CLEC2B: variants seen among roughly 807,000 people sequenced by gnomAD.
CLEC2B encodes the protein C-type lectin domain family 2 member B.
In CLEC2B, 14 loss-of-function variants were observed where a neutral mutation model predicts 16.2. That is an observed-to-expected ratio of 0.86 (90% CI 0.57 to 1.35). The LOEUF is 1.35. Ranked by LOEUF, CLEC2B falls within the 40% of genes most tolerant of loss-of-function variation. CLEC2B has a pLI of 0.00. For missense variants in CLEC2B, 166 were observed against 182.3 expected, an observed-to-expected ratio of 0.91 and a Z score of 0.52; for synonymous variants, 42 against 55.8, an observed-to-expected ratio of 0.75 and a Z score of 1.10.
intron 4 of CLEC2B, among the ~76,000 whole-genome samples, chr12:9,853,640 A>G (rs376677103): frequency 2.6e-5 from 4 of 152,224 alleles, no homozygotes; most frequent in Non-Finnish European, 4.4e-5. Context: ...TGGAGCTATC[A>G]GTTCGTATAA....
Position 9,853,197 on chromosome 12 carries a change from A to C in CLEC2B, c.*103T>G. ...GCCTGACACGTAAGCAGAATTAACC[A>C]GACAGGTACAAAACTCGAACTTTGT... On this transcript the variant is annotated 3_prime_UTR_variant, in exon 5 of 5. Transcript: ENST00000228438. 1.1e-6 allele frequency: 1 copy of C among 884,610 alleles called. No homozygotes were observed. The allele number at this position is 884,610 out of a possible 1,614,324, so 54.8% of individuals were successfully genotyped here.
intron 3 of CLEC2B, chr12:9,854,749 C>T (rs1867882943): frequency 1.1e-5 from 5 of 467,374 alleles, no homozygotes; most frequent in South Asian, 4.0e-5. Context: ...TATTCCTTCA[C>T]AATTTTCAAA....
intron 1 of CLEC2B, chr12:9,867,176 A>G (rs1867976979): frequency 6.6e-6 from 1 of 152,208 alleles, no homozygotes; most frequent in Non-Finnish European, 1.5e-5. Flanking sequence ...AATGGAGACC[A>G]TTATAACACT....
At chr12:9,856,885 A>G (rs1867896951) in intron 3 of CLEC2B, 1 of 152,064 alleles carries the variant, frequency 6.6e-6, no homozygotes, top group South Asian at 2.1e-4. Flanking sequence ...TTTGTCATGT[A>G]AATCAAAATT....
intron 4 of CLEC2B, 86 bp downstream of exon 4, chr12:9,854,295 G>T: frequency 1.2e-6 from 1 of 800,518 alleles, no homozygotes; most frequent in Non-Finnish European, 2.0e-6. Flanking sequence ...AAACTCTTGG[G>T]CTCTAGAGAA....
rs754090446 is a variant in CLEC2B, at chr12:9,854,467, A to G, written c.255T>C (p.Tyr85=). 70 of 1,612,264 alleles carry G rather than the reference A, an allele frequency of 4.3e-5. No homozygotes were observed. Among genetic ancestry groups the G allele is most frequent in the Non-Finnish European group, 5.8e-5 (68 of 1,178,472 alleles). ...NIEEMNFLRR[Y]KCSSDHWIGL... ...CAATCCAGTGATCAGAACTGCATTT[A>G]TACCGCCTAAGAAAATTCTTTAGAG... is the stretch of plus-strand genomic sequence containing the variant. The change falls in exon 4 of 5, where the codon TAT becomes TAC. Residue 85 remains tyrosine (Y), a synonymous_variant. Coordinates refer to ENST00000228438, the MANE Select transcript of CLEC2B (RefSeq NM_005127.3).
chr12:9,860,095 C>A (rs962664526), intron 2 of CLEC2B, among the ~76,000 whole-genome samples: 1 of 151,596 alleles, frequency 6.6e-6, no homozygotes. Flanking sequence ...AAGAATGAGA[C>A]AAACATGTAA....
chr12:9,856,603 G>A (rs1867895598), intron 3 of CLEC2B, among the ~76,000 whole-genome samples: 1 of 151,976 alleles, frequency 6.6e-6, no homozygotes, highest in Non-Finnish European at 1.5e-5. Flanking sequence ...TTCACCACAC[G>A]GGTAACACAC....
intron 1 of CLEC2B, among the ~76,000 whole-genome samples, chr12:9,863,283 G>A (rs910346883): frequency 1.3e-5 from 2 of 151,756 alleles, no homozygotes. Context: ...CCTAGCTGCC[G>A]CCCCCCACCC....
chr12:9,864,010 A>G (rs976357195), intron 1 of CLEC2B, among the ~76,000 whole-genome samples: 2 of 152,176 alleles, frequency 1.3e-5, no homozygotes, highest in Non-Finnish European at 2.9e-5. Context: ...AGAATAATCA[A>G]ACTCTCAAAG....
At position 9,854,475 on chromosome 12, in the gene CLEC2B, T is replaced by TAA. The variant is rs1306331916; in HGVS notation, c.245_246dup (p.Arg83LeufsTer14). The TAA allele has an allele frequency of 6.2e-7, 1 of 1,610,740 alleles. No individual in the cohort carries two copies. Among genetic ancestry groups the TAA allele is most frequent in the Non-Finnish European group, 8.5e-7 (1 of 1,177,042 alleles). ...TGATCAGAACTGCATTTATACCGCC[T>TAA]AAGAAAATTCTTTAGAGACAAAATT... is the stretch of plus-strand genomic sequence containing the variant. On this transcript the variant is annotated frameshift_variant, in exon 4 of 5. Coordinates refer to ENST00000228438, the MANE Select transcript of CLEC2B (RefSeq NM_005127.3). LOFTEE classifies it high-confidence loss of function.
At chr12:9,868,189 A>G (rs563227001) in intron 1 of CLEC2B, among the ~76,000 whole-genome samples, 1 of 150,906 alleles carries the variant, frequency 6.6e-6, no homozygotes, top group Non-Finnish European at 1.5e-5. Flanking sequence ...GTATTTATAT[A>G]CAAATGTATA....
In CLEC2B at chr12:9,853,011, A is replaced by G. The variant is rs1591767434; in HGVS notation, c.*289T>C. On this transcript the variant is annotated 3_prime_UTR_variant, in exon 5 of 5. Transcript: ENST00000228438. The stretch of plus-strand genomic sequence containing the variant: ...GTCATGAAAGTCCTGTCTAAGTGCT[A>G]TGTCTGTCCTTGATCCCCACAATTG... 5.5e-5 allele frequency: 15 copies of G among 270,364 alleles called. 2 individuals are homozygous for G. The highest frequency in any genetic ancestry group is 5.5e-4 in the East Asian group (6 of 10,870). The allele number at this position is 270,364 out of a possible 1,614,324, so 16.7% of individuals were successfully genotyped here. A position where few individuals can be genotyped will look rare whatever the true frequency, so the allele number is the denominator to read the frequency against.
Position 9,852,951 on chromosome 12 carries a change from TCTC to T in CLEC2B, c.*346_*348del, listed in dbSNP as rs151287816. On this transcript the variant is annotated 3_prime_UTR_variant, in exon 5 of 5. Transcript: ENST00000228438. Reference sequence around the variant, plus strand: ...TCACATTTTGTTCAATAGGCCATAATCTCCTATTCTGGTACTCAAATTGTTCCA... The same window carrying T: ...TCACATTTTGTTCAATAGGCCATAATCTATTCTGGTACTCAAATTGTTCCA... 280 of 200,020 alleles carry T rather than the reference TCTC, an allele frequency of 1.4e-3. 3 individuals carry two copies. The East Asian group carries it at 0.033, about 23-fold the overall frequency. The allele number at this position is 200,020 out of a possible 1,614,324, so 12.4% of individuals were successfully genotyped here.
chr12:9,859,157 T>C (rs1184972887), intron 2 of CLEC2B, among the ~76,000 whole-genome samples: 1 of 151,936 alleles, frequency 6.6e-6, no homozygotes, highest in Non-Finnish European at 1.5e-5. Flanking sequence ...ACAGGAAAAT[T>C]TATTGGCTTA....
At chr12:9,854,341 C>G (rs376165286) in intron 4 of CLEC2B, 40 bp downstream of exon 4, 235 of 1,338,884 alleles carry the variant, frequency 1.8e-4, no homozygotes, top group Middle Eastern at 5.6e-4. Flanking sequence ...GAAGGCTGCA[C>G]TATCTAAATT....
At chr12:9,855,679 C>G (rs1867890056) in intron 3 of CLEC2B, among the ~76,000 whole-genome samples, 1 of 151,796 alleles carries the variant, frequency 6.6e-6, no homozygotes, top group Admixed American at 6.6e-5. Flanking sequence ...GTCTTGGTGA[C>G]AGAGAACTGG....
At chr12:9,863,827 AAG>A (rs1867950746) in intron 1 of CLEC2B, among the ~76,000 whole-genome samples, 1 of 152,190 alleles carries the variant, frequency 6.6e-6, no homozygotes. Context: ...GACCATATCT[AAG>A]AATTATTGGT....
At position 9,852,944 on chromosome 12, in the gene CLEC2B, G is replaced by T; in HGVS notation, c.*356C>A. On this transcript the variant is annotated 3_prime_UTR_variant, in exon 5 of 5. Coordinates refer to ENST00000228438, the MANE Select transcript of CLEC2B (RefSeq NM_005127.3). ...CCCAGTTTCACATTTTGTTCAATAGGCCATAATCTCCTATTCTGGTACTCA... is the reference window on the plus strand; with the variant it reads ...CCCAGTTTCACATTTTGTTCAATAGTCCATAATCTCCTATTCTGGTACTCA... The T allele has an allele frequency of 5.1e-6, 1 of 195,910 alleles. No homozygotes were observed. Among genetic ancestry groups the T allele is most frequent in the Non-Finnish European group, 1.1e-5 (1 of 94,840 alleles). 12.1% of individuals were successfully genotyped at this position (195,910 alleles called of 1,614,324 possible). A position where few individuals can be genotyped will look rare whatever the true frequency, so the allele number is the denominator to read the frequency against.
Sources: gnomAD v4.1 joint callset for allele counts (sites outside exome capture counted in the v4.1 genomes callset) on GRCh38, gnomAD v4.1.1 for gene constraint, MANE v1.5 for transcripts, NCBI Gene and HGNC (gene_info 2026-07-23, HGNC 2026-07-21) for gene names.